The following MYO18A variants were observed in gnomAD, a reference collection of about 807,000 sequenced individuals.
MYO18A encodes unconventional myosin-XVIIIa.
MYO18A carries 78 observed loss-of-function variants against 235.8 expected under a neutral mutation model. The observed-to-expected ratio is 0.33, with a 90% confidence interval of 0.28 to 0.40. MYO18A has a LOEUF of 0.40. Ranked by LOEUF, MYO18A falls within the 10% of genes least tolerant of loss-of-function variation. The pLI is 1.00. For synonymous variants in MYO18A, 977 were observed against 1,077.8 expected (o/e 0.91, Z 1.83); for missense variants, 2,215 against 2,699.3 (o/e 0.82, Z 3.98).
At position 29,082,346 on chromosome 17, in the gene MYO18A, G is replaced by A; in HGVS notation, c.5990C>T (p.Ala1997Val). Residue 1997 changes from alanine to valine, a missense_variant, in exon 41 of 42, where the codon GCT (alanine) becomes GTT (valine). By Grantham distance (64) the Ala-to-Val change is moderately conservative. Transcript: ENST00000527372. ...LSKNKGPSKA[A>V]SDDGSLKSSS... The stretch of plus-strand genomic sequence containing the variant: ...ACTCTTTAAGCTGCCATCATCAGAA[G>A]CTGCCTTGGAAGGTCCCTTGTTTTT... 1 of 1,614,004 alleles carries A rather than the reference G, an allele frequency of 6.2e-7. No individual in the cohort carries two copies. The highest frequency in any genetic ancestry group is 2.2e-5 in the East Asian group (1 of 44,878).
intron 2 of MYO18A, among the ~76,000 whole-genome samples, chr17:29,153,022 A>C (rs751355938): frequency 1.3e-5 from 2 of 152,130 alleles, no homozygotes; most frequent in Non-Finnish European, 2.9e-5. Flanking sequence ...GCCAATGCTC[A>C]CTGACTCTAG....
chr17:29,079,667 G>T, intron 41 of MYO18A: 2 of 969,058 alleles, frequency 2.1e-6, no homozygotes, highest in East Asian at 1.1e-4. Flanking sequence ...GGGGCAGGGA[G>T]GACGTTAGTT....
chr17:29,135,304 G>A (rs573170552), intron 2 of MYO18A, among the ~76,000 whole-genome samples: 44 of 152,128 alleles, frequency 2.9e-4, no homozygotes, highest in African/African-American at 9.2e-4. Flanking sequence ...GGGTTTCACC[G>A]TGTGAGCCAG....
At position 29,099,907 on chromosome 17, in the gene MYO18A, A is replaced by G. The variant is rs1031110163; in HGVS notation, c.3508-145T>C. ...GAGCCTCAAAATCCAATTGTCCAAG[A>G]GAGGAGGGGAGGAGCAGGAAGAGGC... On this transcript the variant is annotated intron_variant, in intron 21 of 41. Transcript: ENST00000527372. 1.3e-5 allele frequency: 16 copies of G among 1,191,728 alleles called. No homozygotes were observed. The African/African-American group carries it at 2.5e-4, about 18-fold the overall frequency. The allele number at this position is 1,191,728 out of a possible 1,614,324, so 73.8% of individuals were successfully genotyped here.
chr17:29,112,882 G>A (rs1229251683), intron 15 of MYO18A, among the ~76,000 whole-genome samples: 1 of 152,268 alleles, frequency 6.6e-6, no homozygotes, highest in Non-Finnish European at 1.5e-5. Context: ...CAACTCTAGT[G>A]GCAGGAACCG....
At chr17:29,149,253 C>A (rs2067918957) in intron 2 of MYO18A, among the ~76,000 whole-genome samples, 1 of 152,244 alleles carries the variant, frequency 6.6e-6, no homozygotes. Flanking sequence ...ACCGCTCTAT[C>A]CCCAGAACCT....
intron 1 of MYO18A, among the ~76,000 whole-genome samples, chr17:29,172,633 C>A (rs891447897): frequency 1.1e-4 from 16 of 152,184 alleles, no homozygotes; most frequent in South Asian, 4.1e-4. Flanking sequence ...TATTTAATTA[C>A]CCTCAGAGAG....
chr17:29,179,451 A>C (rs1268493235), intron 1 of MYO18A, among the ~76,000 whole-genome samples: 4 of 152,108 alleles, frequency 2.6e-5, no homozygotes, highest in Admixed American at 1.3e-4. Context: ...TTTGGGACCA[A>C]GGAGCGCACC....
At chr17:29,177,044 C>G (rs908374954) in intron 1 of MYO18A, among the ~76,000 whole-genome samples, 1 of 152,220 alleles carries the variant, frequency 6.6e-6, no homozygotes, top group Non-Finnish European at 1.5e-5. Context: ...CGCTCAGTTC[C>G]GCTAACATCC....
chr17:29,099,092 A>AG (rs1450214598), intron 22 of MYO18A, 123 bp from the exon 23 acceptor site: 8 of 1,216,526 alleles, frequency 6.6e-6, no homozygotes, highest in Non-Finnish European at 8.1e-6. Flanking sequence ...CCTGACCCCG[A>AG]GTCAGATACT....
chr17:29,103,890 C>T (rs534996094), intron 20 of MYO18A, among the ~76,000 whole-genome samples: 7 of 152,272 alleles, frequency 4.6e-5, no homozygotes, highest in Non-Finnish European at 7.3e-5. Context: ...TGAACTTGTG[C>T]AGTGCCCACA....
intron 41 of MYO18A, chr17:29,080,096 G>C (rs948687570): frequency 1.9e-5 from 19 of 985,798 alleles, no homozygotes; most frequent in Middle Eastern, 5.2e-4. Flanking sequence ...CTGCGGGACC[G>C]GGACACATCA....
At chr17:29,135,644 G>A (rs901256216) in intron 2 of MYO18A, among the ~76,000 whole-genome samples, 4 of 152,254 alleles carry the variant, frequency 2.6e-5, no homozygotes, top group Admixed American at 6.5e-5. Context: ...TGAGGACACC[G>A]GGCCATTTCC....
chr17:29,134,728 A>G (rs1051170025), intron 2 of MYO18A, among the ~76,000 whole-genome samples: 4 of 151,032 alleles, frequency 2.6e-5, no homozygotes, highest in Non-Finnish European at 5.9e-5. Flanking sequence ...TCTCCATGTT[A>G]GTCAGGCTGG....
chr17:29,135,014 A>C (rs1409021168), intron 2 of MYO18A, among the ~76,000 whole-genome samples: 1 of 152,134 alleles, frequency 6.6e-6, no homozygotes, highest in African/African-American at 2.4e-5. Flanking sequence ...CCGCTTGAAA[A>C]ATCAAGTCAG....
Position 29,094,981 on chromosome 17 carries a change from C to T in MYO18A, c.4464G>A (p.Lys1488=). 1 of 1,602,670 alleles carries T rather than the reference C, an allele frequency of 6.2e-7. No individual in the cohort carries two copies. Among genetic ancestry groups the T allele is most frequent in the Non-Finnish European group, 8.5e-7 (1 of 1,173,680 alleles). Residue 1488 remains lysine, a synonymous_variant, in exon 29 of 42, where the codon AAG becomes AAA. Coordinates refer to ENST00000527372, the MANE Select transcript of MYO18A (RefSeq NM_078471.4). ...TGAAAGCCTCAGCGAGGAGCATGTCCTTCTCCCGCTGCAGCTTCTCCCGCT... is the reference window on the plus strand; with the variant it reads ...TGAAAGCCTCAGCGAGGAGCATGTCTTTCTCCCGCTGCAGCTTCTCCCGCT... The part of the protein sequence containing the change: ...KLQREKLQRE[K]DMLLAEAFSL...
chr17:29,085,580 G>A (rs1237886774), intron 40 of MYO18A, 24 bp downstream of exon 40: 1 of 1,612,786 alleles, frequency 6.2e-7, no homozygotes, highest in South Asian at 1.1e-5. Context: ...GACAGGCAGA[G>A]AGCACATGCG....
At chr17:29,114,412 T>A (rs758572821) in intron 14 of MYO18A, 3 of 346,502 alleles carry the variant, frequency 8.7e-6, no homozygotes, top group Non-Finnish European at 1.6e-5. Flanking sequence ...TGAAGACAAC[T>A]GCCATTTTCC....
chr17:29,142,101 T>G (rs964263543), intron 2 of MYO18A, among the ~76,000 whole-genome samples: 2 of 152,182 alleles, frequency 1.3e-5, no homozygotes, highest in Non-Finnish European at 2.9e-5. Flanking sequence ...CCTGCCACCA[T>G]GCCCGGCTAA....
Sources: gnomAD v4.1 joint callset for allele counts (sites outside exome capture counted in the v4.1 genomes callset) on GRCh38, gnomAD v4.1.1 for gene constraint, MANE v1.5 for transcripts, NCBI Gene and HGNC (gene_info 2026-07-23, HGNC 2026-07-21) for gene names.